Variants in WRN observed in about 807,000 individuals in gnomAD.
The protein encoded by WRN is bifunctional 3'-5' exonuclease/ATP-dependent helicase WRN.
Under a neutral mutation model 180.7 loss-of-function variants are expected in WRN, and 149 were observed. The observed-to-expected ratio is 0.82, with a 90% CI of 0.72 to 0.94. The LOEUF is 0.94. Ranked by LOEUF, WRN falls within the 40% of genes least tolerant of loss-of-function variation. WRN has a pLI of 0.00. For missense variants in WRN, 1,661 were observed against 1,700.1 expected (o/e 0.98, Z 0.40); for synonymous variants, 548 against 568.9 (o/e 0.96, Z 0.52).
At chr8:31,046,295 A>G (rs1478871171) in intron 1 of WRN, among the ~76,000 whole-genome samples, 2 of 152,084 alleles carry the variant, frequency 1.3e-5, no homozygotes, top group African/African-American at 4.8e-5. Context: ...ATTTTAGGAG[A>G]CTTTGGAGCT....
intron 16 of WRN, among the ~76,000 whole-genome samples, chr8:31,095,837 C>T (rs893002441): frequency 1.3e-5 from 2 of 152,152 alleles, no homozygotes; most frequent in Admixed American, 1.3e-4. Flanking sequence ...TCTTTTCTTT[C>T]AAAGTTGTTC....
At chr8:31,083,266 T>C (rs1813391635) in intron 9 of WRN, among the ~76,000 whole-genome samples, 1 of 152,326 alleles carries the variant, frequency 6.6e-6, no homozygotes, top group Non-Finnish European at 1.5e-5. Flanking sequence ...GATATTACAA[T>C]CATAGTAGTT....
intron 3 of WRN, among the ~76,000 whole-genome samples, chr8:31,063,458 T>C (rs1487316903): frequency 6.6e-6 from 1 of 152,224 alleles, no homozygotes; most frequent in East Asian, 1.9e-4. Context: ...CATCTGAGGG[T>C]TTCATTTATT....
chr8:31,122,860 G>GTTTTT lies in WRN; in HGVS notation c.2631-1641_2631-1637dup, dbSNP rs71206298. 9.9e-4 allele frequency among the ~76,000 whole-genome samples: 69 copies of GTTTTT among 69,482 alleles called. 7 individuals carry two copies. The highest frequency in any genetic ancestry group is 1.3e-3 in the African/African-American group (25 of 19,138). 45.6% of individuals were successfully genotyped at this position (69,482 alleles called of 152,430 possible). ...GAAGAGTGTGGGCATTTCTTTTCTT[G>GTTTTT]TTTTTTTTTTTTTTTTTTTTTTTTT... On this transcript the variant is annotated intron_variant, in intron 21 of 34. Coordinates refer to ENST00000298139, the MANE Select transcript of WRN (RefSeq NM_000553.6).
intron 33 of WRN, among the ~76,000 whole-genome samples, chr8:31,160,571 A>T (rs1465472155): frequency 6.6e-6 from 1 of 152,178 alleles, no homozygotes; most frequent in Non-Finnish European, 1.5e-5. Context: ...AAAGACTCAG[A>T]TGTCTTCTTC....
intron 18 of WRN, among the ~76,000 whole-genome samples, chr8:31,102,571 G>GT (rs1800918979): frequency 6.6e-6 from 1 of 152,168 alleles, no homozygotes; most frequent in African/African-American, 2.4e-5. Flanking sequence ...TAATACAATG[G>GT]TAAGTATTTG....
At chr8:31,034,659 G>A (rs1054354452) in intron 1 of WRN, among the ~76,000 whole-genome samples, 1 of 152,138 alleles carries the variant, frequency 6.6e-6, no homozygotes. Flanking sequence ...ATAATTTAAA[G>A]TGTTTACTTC....
At chr8:31,118,484 T>C (rs188302733) in intron 20 of WRN, among the ~76,000 whole-genome samples, 144 of 152,168 alleles carry the variant, frequency 9.5e-4, no homozygotes, top group African/African-American at 3.3e-3. Context: ...TTTCATCATC[T>C]ATGTAGAATA....
At chr8:31,168,876 G>A (rs1017088194) in intron 34 of WRN, among the ~76,000 whole-genome samples, 1 of 152,092 alleles carries the variant, frequency 6.6e-6, no homozygotes, top group Non-Finnish European at 1.5e-5. Flanking sequence ...TCTTGTGTTT[G>A]TTATTAAGAT....
Position 31,111,657 on chromosome 8 carries a change from C to T in WRN, c.2131C>T (p.Arg711Trp), listed in dbSNP as rs34560788. 3.6e-4 allele frequency: 586 copies of T among 1,613,936 alleles called. No individual in the cohort carries two copies. Among genetic ancestry groups the T allele is most frequent in the Non-Finnish European group, 4.7e-4 (549 of 1,179,938 alleles). The change falls in exon 19 of 35, where the codon CGG (arginine) becomes TGG (tryptophan). Residue 711 changes from arginine to tryptophan, a missense_variant. Physicochemically the swap from Arg to Trp is moderately radical, Grantham distance 101 (BLOSUM62 -3). Transcript: ENST00000298139. Reference sequence around the variant, plus strand: ...TACTGCTACTGCAAGTTCTTCAATCCGGGAAGACATTGTACGTTGCTTAAA... The same window carrying T: ...TACTGCTACTGCAAGTTCTTCAATCTGGGAAGACATTGTACGTTGCTTAAA... ...ALTATASSSI[R>W]EDIVRCLNLR... is the part of the protein sequence containing the mutation.
Position 31,162,741 on chromosome 8 carries a change from C to T in WRN, c.3983-4281C>T, listed in dbSNP as rs554729799. 3.3e-5 allele frequency among the ~76,000 whole-genome samples: 5 copies of T among 152,226 alleles called. 1 individual carries two copies. In the South Asian group the frequency reaches 1.0e-3, roughly 32 times the overall value. On this transcript the variant is annotated intron_variant, in intron 33 of 34. Coordinates refer to ENST00000298139, the MANE Select transcript of WRN (RefSeq NM_000553.6). ...ACTAGGTGGTAGGAACTTTTCAGCT[C>T]CATGATAATCTAATGGATACTTGTT... is the stretch of plus-strand genomic sequence containing the variant.
At chr8:31,163,915 C>G (rs1180550098) in intron 33 of WRN, among the ~76,000 whole-genome samples, 1 of 150,538 alleles carries the variant, frequency 6.6e-6, no homozygotes, top group Non-Finnish European at 1.5e-5. Flanking sequence ...TGCCGTGGCA[C>G]AATCATAGCT....
chr8:31,059,107 A>G (rs922619165), intron 2 of WRN, 46 bp from the exon 3 acceptor site: 1 of 1,353,068 alleles, frequency 7.4e-7, no homozygotes, highest in African/African-American at 1.4e-5. Context: ...AACATTTGTT[A>G]TTTGATGTGA....
At chr8:31,127,739 T>G (rs1383079010) in intron 23 of WRN, among the ~76,000 whole-genome samples, 2 of 151,882 alleles carry the variant, frequency 1.3e-5, no homozygotes, top group Non-Finnish European at 2.9e-5. Flanking sequence ...AAACCGAGAC[T>G]GTGTCTCTAC....
At chr8:31,096,918 G>T in intron 17 of WRN, 68 bp downstream of exon 17, 1 of 1,386,458 alleles carries the variant, frequency 7.2e-7, no homozygotes. Context: ...CCTATGGATG[G>T]ACACTGGATT....
chr8:31,093,770 G>C (rs1041158958), intron 16 of WRN, among the ~76,000 whole-genome samples: 2 of 152,144 alleles, frequency 1.3e-5, no homozygotes, highest in African/African-American at 4.8e-5. Context: ...TTTAACCCCA[G>C]TCACCGGGTA....
intron 17 of WRN, among the ~76,000 whole-genome samples, chr8:31,100,399 A>G (rs1814176419): frequency 6.6e-6 from 1 of 152,180 alleles, no homozygotes; most frequent in East Asian, 1.9e-4. Flanking sequence ...ACTCTTTGCA[A>G]TATGATATGT....
rs1171837602 is a variant in WRN, at chr8:31,174,657, G to A, written c.*1555G>A. Among the ~76,000 whole-genome samples the A allele has an allele frequency of 6.6e-6, 1 of 151,826 alleles. No individual in the cohort carries two copies. Among genetic ancestry groups the A allele is most frequent in the Non-Finnish European group, 1.5e-5 (1 of 67,954 alleles). ...AACATAAAGACTTCTCTTTCTCTTC[G>A]CTTTCACTACTACTACTACTAATTC... On this transcript the variant is annotated 3_prime_UTR_variant, in exon 35 of 35. Coordinates refer to ENST00000298139, the MANE Select transcript of WRN (RefSeq NM_000553.6).
At chr8:31,166,835 G>T (rs910579889) in intron 33 of WRN, among the ~76,000 whole-genome samples, 187 bp from the exon 34 acceptor site, 5 of 152,102 alleles carry the variant, frequency 3.3e-5, no homozygotes, top group African/African-American at 1.2e-4. Flanking sequence ...GGGGCTTCAG[G>T]TGATACCCGA....
Sources: allele counts gnomAD v4.1 joint callset (sites outside exome capture counted in the v4.1 genomes callset), GRCh38; gene constraint gnomAD v4.1.1; transcripts MANE v1.5; gene names NCBI Gene and HGNC (gene_info 2026-07-23, HGNC 2026-07-21).